RUFY1: variants seen among roughly 807,000 people sequenced by gnomAD.
RUFY1 encodes the protein RUN and FYVE domain containing 1.
In RUFY1, 54 loss-of-function variants were observed where a neutral mutation model predicts 94.6. The observed-to-expected ratio is 0.57, with a 90% CI of 0.46 to 0.72. The LOEUF (loss-of-function observed/expected upper bound fraction) is 0.72. Among genes scored for constraint, RUFY1 ranks in the 30% least tolerant of loss-of-function variants. RUFY1 has a pLI of 0.00. For synonymous variants in RUFY1, 396 were observed against 347.3 expected, an observed-to-expected ratio of 1.14 and a Z score of -1.56; for missense variants, 883 against 883.9, an observed-to-expected ratio of 1.00 and a Z score of 0.01.
At chr5:179,553,713 A>T (rs375000350) in intron 1 of RUFY1, among the ~76,000 whole-genome samples, 1 of 152,042 alleles carries the variant, frequency 6.6e-6, no homozygotes, top group Non-Finnish European at 1.5e-5. Context: ...TTGCTTGAAC[A>T]TAAGAGGCGG....
Position 179,550,958 on chromosome 5 carries a change from G to A in RUFY1, c.310+79G>A, listed in dbSNP as rs912686044. Reference sequence around the variant, plus strand: ...CCGGCGCGGGCGCGGTGGGGGCCGGGCTGGGAGGGCACTGGCCGTTCCGGG... The same window carrying A: ...CCGGCGCGGGCGCGGTGGGGGCCGGACTGGGAGGGCACTGGCCGTTCCGGG... On this transcript the variant is annotated intron_variant, in intron 1 of 17. Coordinates refer to ENST00000319449, the MANE Select transcript of RUFY1 (RefSeq NM_025158.5). 4 of 996,912 alleles carry A rather than the reference G, an allele frequency of 4.0e-6. No individual in the cohort carries two copies. The African/African-American group carries it at 7.0e-5, about 17-fold the overall frequency. The allele number at this position is 996,912 out of a possible 1,614,324, so 61.8% of individuals were successfully genotyped here. A position where few individuals can be genotyped will look rare whatever the true frequency, so the allele number is the denominator to read the frequency against.
At chr5:179,607,032 C>G (rs916584399) in intron 16 of RUFY1, 1 of 158,908 alleles carries the variant, frequency 6.3e-6, no homozygotes, top group African/African-American at 2.4e-5. Context: ...CCATGTGCTC[C>G]CCAGGGCTGG....
chr5:179,572,960 A>G (rs1763332443), intron 5 of RUFY1, among the ~76,000 whole-genome samples: 1 of 152,216 alleles, frequency 6.6e-6, no homozygotes. Flanking sequence ...TGAAGTAGGA[A>G]TCTAAATTTC....
intron 10 of RUFY1, 98 bp downstream of exon 10, chr5:179,591,839 T>C: frequency 4.1e-6 from 3 of 731,872 alleles, no homozygotes; most frequent in East Asian, 2.8e-5. Flanking sequence ...CTGATGGTCA[T>C]AGAAAGTCAG....
chr5:179,604,397 G>T (rs955962975), intron 15 of RUFY1, among the ~76,000 whole-genome samples: 45 of 152,148 alleles, frequency 3.0e-4, no homozygotes, highest in African/African-American at 1.0e-3. Context: ...CAGAGTTCTT[G>T]TATGTTCAGT....
chr5:179,588,531 T>C (rs1469112496), intron 8 of RUFY1, among the ~76,000 whole-genome samples: 1 of 152,204 alleles, frequency 6.6e-6, no homozygotes, highest in African/African-American at 2.4e-5. Context: ...AGAGGTCCTC[T>C]TGGGCATATC....
At chr5:179,609,158 G>A (rs1413687232) in intron 17 of RUFY1, among the ~76,000 whole-genome samples, 1 of 142,298 alleles carries the variant, frequency 7.0e-6, no homozygotes, top group Non-Finnish European at 1.5e-5. Context: ...AGTGAGCTGA[G>A]ATCGCGCCAC....
chr5:179,573,326 C>T (rs143113357), intron 5 of RUFY1, among the ~76,000 whole-genome samples: 1 of 152,246 alleles, frequency 6.6e-6, no homozygotes, highest in Non-Finnish European at 1.5e-5. Context: ...CATGAGTGAG[C>T]AATCTGGTCT....
At chr5:179,572,239 G>T in intron 5 of RUFY1, 1 of 283,864 alleles carries the variant, frequency 3.5e-6, no homozygotes, top group South Asian at 3.3e-5. Context: ...TCCAGGAGGT[G>T]AAGCTGTGGG....
intron 10 of RUFY1, among the ~76,000 whole-genome samples, chr5:179,592,202 G>A (rs979449591): frequency 6.7e-6 from 1 of 150,196 alleles, no homozygotes; most frequent in East Asian, 2.0e-4. Context: ...TCACTGCAAC[G>A]TCTGCCTCCC....
In RUFY1 at chr5:179,598,488, G is replaced by GC. The variant is rs2127564856; in HGVS notation, c.1632-202dup. 13 of 617,686 alleles carry GC rather than the reference G, an allele frequency of 2.1e-5. No homozygotes were observed. The South Asian group carries it at 2.5e-4, about 12-fold the overall frequency. The allele number at this position is 617,686 out of a possible 1,614,324, so 38.3% of individuals were successfully genotyped here. A position where few individuals can be genotyped will look rare whatever the true frequency, so the allele number is the denominator to read the frequency against. On this transcript the variant is annotated intron_variant, in intron 13 of 17. Transcript: ENST00000319449. ...TCCCCTGCGTAAGTGTCAAGTGTGT[G>GC]CCTGCAGGCTTTTCTCTCCCTGGTT...
At chr5:179,577,187 T>G in intron 6 of RUFY1, 51 bp downstream of exon 6, 1 of 1,066,978 alleles carries the variant, frequency 9.4e-7, no homozygotes, top group Non-Finnish European at 1.3e-6. Flanking sequence ...TTTTTTTTTT[T>G]TTGAGACAGA....
chr5:179,563,221 C>T (rs566080900), intron 3 of RUFY1, among the ~76,000 whole-genome samples: 14 of 152,268 alleles, frequency 9.2e-5, no homozygotes, highest in South Asian at 8.3e-4. Context: ...GTTTCCCAGA[C>T]GGGACTGGAC....
chr5:179,601,705 G>C (rs991282711), intron 14 of RUFY1, among the ~76,000 whole-genome samples, 187 bp from the exon 15 acceptor site: 1 of 150,360 alleles, frequency 6.7e-6, no homozygotes, highest in African/African-American at 2.4e-5. Flanking sequence ...TGTAGTCCCA[G>C]CTACTTGGGA....
At position 179,579,662 on chromosome 5, in the gene RUFY1, T is replaced by TC. The variant is rs56879380; in HGVS notation, c.891-1285_891-1284insC. 6.4e-4 allele frequency among the ~76,000 whole-genome samples: 55 copies of TC among 85,526 alleles called. 3 individuals carry two copies. The highest frequency in any genetic ancestry group is 2.2e-3 in the Admixed American group (18 of 8,158). The allele number at this position is 85,526 out of a possible 152,430, so 56.1% of individuals were successfully genotyped here. A position where few individuals can be genotyped will look rare whatever the true frequency, so the allele number is the denominator to read the frequency against. On this transcript the variant is annotated intron_variant, in intron 6 of 17. Coordinates refer to ENST00000319449, the MANE Select transcript of RUFY1 (RefSeq NM_025158.5). ...AAATATACCCTTTTCTTCTTCTTTT[T>TC]TTTTTTTTTTTTTTTTTGAGATGGA...
At chr5:179,608,282 C>T (rs965259629) in intron 17 of RUFY1, 2 of 986,104 alleles carry the variant, frequency 2.0e-6, no homozygotes, top group Non-Finnish European at 2.4e-6. Flanking sequence ...TTCCCATCAA[C>T]AGCCTAGCTC....
intron 17 of RUFY1, 58 bp downstream of exon 17, chr5:179,607,717 C>A: frequency 6.9e-7 from 1 of 1,442,698 alleles, no homozygotes; most frequent in South Asian, 1.1e-5. Context: ...GCTGGATTCC[C>A]CTTTCTCTGG....
At chr5:179,595,406 C>T (rs1411020073) in intron 12 of RUFY1, among the ~76,000 whole-genome samples, 1 of 152,132 alleles carries the variant, frequency 6.6e-6, no homozygotes, top group East Asian at 1.9e-4. Context: ...GAAACAGATA[C>T]TTCATCAAAG....
chr5:179,571,002 C>T lies in RUFY1; in HGVS notation c.828+1577C>T, dbSNP rs73809474. The stretch of plus-strand genomic sequence containing the variant: ...TTTGTGTATTTTAGAGTGAGATGTT[C>T]GAAGGGTTTCTTTTTTTATGAAACC... On this transcript the variant is annotated intron_variant, in intron 5 of 17. Transcript: ENST00000319449. Among the ~76,000 whole-genome samples the T allele has an allele frequency of 7.1e-3, 1,087 of 152,164 alleles. 15 individuals carry two copies. Among genetic ancestry groups the T allele is most frequent in the African/African-American group, 0.023 (956 of 41,506 alleles).
Sources: allele counts gnomAD v4.1 joint callset (sites outside exome capture counted in the v4.1 genomes callset), GRCh38; gene constraint gnomAD v4.1.1; transcripts MANE v1.5; gene names NCBI Gene and HGNC (gene_info 2026-07-23, HGNC 2026-07-21).